The following RPA3 variants were observed in gnomAD, a reference collection of about 807,000 sequenced individuals.
RPA3 encodes replication protein A 14 kDa subunit.
Under a neutral mutation model 13.7 loss-of-function variants are expected in RPA3, and 24 were observed. That is an observed-to-expected ratio of 1.75 (90% CI 1.27 to 2.46). RPA3 has a LOEUF of 2.46. Ranked by LOEUF, RPA3 falls within the 30% of genes most tolerant of loss-of-function variation. RPA3 has a pLI of 0.00. For synonymous variants in RPA3, 59 were observed against 51.2 expected (o/e 1.15, Z -0.65); for missense variants, 183 against 151.0 (o/e 1.21, Z -1.11).
intron 2 of RPA3, chr7:7,689,308 T>A (rs1780116787): frequency 6.6e-6 from 1 of 152,170 alleles, no homozygotes; most frequent in Admixed American, 6.5e-5. Flanking sequence ...TGATGATGTT[T>A]TATCTATCAT....
chr7:7,673,328 CAG>C (rs1563107945), intron 4 of RPA3: 2 of 1,160,286 alleles, frequency 1.7e-6, no homozygotes, highest in Non-Finnish European at 2.5e-6. Flanking sequence ...GCAGCAGCAG[CAG>C]CAGCAGCAGC....
At chr7:7,651,079 A>AT (rs1357841273) in intron 4 of RPA3, among the ~76,000 whole-genome samples, 5 of 152,174 alleles carry the variant, frequency 3.3e-5, no homozygotes, top group South Asian at 2.1e-4. Flanking sequence ...ACCAGAGCAC[A>AT]TTTTTCTGGT....
At chr7:7,646,362 G>A (rs1305345807) in intron 4 of RPA3, among the ~76,000 whole-genome samples, 1 of 152,018 alleles carries the variant, frequency 6.6e-6, no homozygotes, top group Non-Finnish European at 1.5e-5. Context: ...TGTGTTGTGG[G>A]AGGGACCCGA....
chr7:7,640,297 C>T lies in RPA3; in HGVS notation c.99+23G>A, dbSNP rs759534714. The T allele has an allele frequency of 5.6e-6, 9 of 1,612,582 alleles. No individual in the cohort carries two copies. In the East Asian group the frequency reaches 8.9e-5, roughly 16 times the overall value. ...CTCCCTCCAGCTACGGACTTGGGAG[C>T]CCATGATTGCGAACCCGCACACCTT... On this transcript the variant is annotated intron_variant, in intron 5 of 7. Transcript: ENST00000223129.
chr7:7,662,526 C>A (rs1785501447), intron 4 of RPA3, among the ~76,000 whole-genome samples: 1 of 152,154 alleles, frequency 6.6e-6, no homozygotes, highest in African/African-American at 2.4e-5. Context: ...GTGCACTGTT[C>A]CTCACCGCAC....
At chr7:7,657,578 C>G (rs1785373191) in intron 4 of RPA3, among the ~76,000 whole-genome samples, 1 of 152,090 alleles carries the variant, frequency 6.6e-6, no homozygotes, top group African/African-American at 2.4e-5. Context: ...GAGTCCCTTC[C>G]CCATGCTTGT....
chr7:7,647,000 C>T (rs1785111964), intron 4 of RPA3, among the ~76,000 whole-genome samples: 1 of 152,154 alleles, frequency 6.6e-6, no homozygotes, highest in East Asian at 1.9e-4. Flanking sequence ...CCTTCTGCCG[C>T]TTGTCCGTAT....
At chr7:7,646,037 G>T (rs977348790) in intron 4 of RPA3, among the ~76,000 whole-genome samples, 1 of 152,156 alleles carries the variant, frequency 6.6e-6, no homozygotes, top group African/African-American at 2.4e-5. Context: ...GCAGGAGTTG[G>T]GGTGAGTGAT....
chr7:7,700,717 G>C (rs1291024785), intron 2 of RPA3, among the ~76,000 whole-genome samples: 1 of 152,110 alleles, frequency 6.6e-6, no homozygotes, highest in Non-Finnish European at 1.5e-5. Context: ...GCAAAACCCT[G>C]TCTCTACTAA....
intron 2 of RPA3, 56 bp from the exon 3 acceptor site, chr7:7,687,384 A>G (rs28912731): frequency 2.6e-5 from 4 of 152,200 alleles, no homozygotes; most frequent in East Asian, 1.9e-4. Context: ...GACCCTGGGC[A>G]GTTCAGTGAA....
intron 4 of RPA3, among the ~76,000 whole-genome samples, chr7:7,678,494 TATATTTATATATTTAATATAGATAA>T (rs1779808799): frequency 7.1e-6 from 1 of 140,894 alleles, no homozygotes; most frequent in Non-Finnish European, 1.5e-5. Flanking sequence ...ATAGATAATA[TATATTTATATATTTAATATAGATAA>T]ATATATTTAT....
chr7:7,681,838 A>G (rs1225730812), intron 4 of RPA3, among the ~76,000 whole-genome samples: 1 of 152,188 alleles, frequency 6.6e-6, no homozygotes, highest in Non-Finnish European at 1.5e-5. Context: ...TGGCAAGCTC[A>G]TAGTTATTTT....
chr7:7,675,221 G>C (rs574673759), intron 4 of RPA3, among the ~76,000 whole-genome samples: 1 of 152,218 alleles, frequency 6.6e-6, no homozygotes, highest in African/African-American at 2.4e-5. Context: ...TTATCAAATA[G>C]CCATTTAGAG....
intron 4 of RPA3, among the ~76,000 whole-genome samples, chr7:7,652,863 A>C (rs1785255029): frequency 6.6e-6 from 1 of 152,224 alleles, no homozygotes; most frequent in African/African-American, 2.4e-5. Flanking sequence ...TTGGCAGTTT[A>C]GGGAGTGATT....
intron 4 of RPA3, among the ~76,000 whole-genome samples, chr7:7,643,268 A>G (rs1369021171): frequency 1.3e-5 from 2 of 152,228 alleles, no homozygotes; most frequent in African/African-American, 2.4e-5. Flanking sequence ...ATGATCTTCC[A>G]GGTACACTCC....
intron 1 of RPA3, among the ~76,000 whole-genome samples, chr7:7,718,132 A>T (rs1299257554): frequency 6.6e-6 from 1 of 152,204 alleles, no homozygotes; most frequent in Non-Finnish European, 1.5e-5. Context: ...ATCAGATAAG[A>T]AAGTAAAACT....
At chr7:7,672,286 T>A (rs535031590) in intron 4 of RPA3, among the ~76,000 whole-genome samples, 89 of 152,320 alleles carry the variant, frequency 5.8e-4, no homozygotes, top group African/African-American at 2.0e-3. Flanking sequence ...TCCCCAGTTG[T>A]TTTCTAGAAA....
Position 7,664,565 on chromosome 7 carries a change from C to G in RPA3, c.-758+21265G>C, listed in dbSNP as rs1484003790. 2.0e-5 allele frequency among the ~76,000 whole-genome samples: 3 copies of G among 152,164 alleles called. No homozygotes were observed. In the East Asian group the frequency reaches 5.8e-4, roughly 29 times the overall value. Reference sequence around the variant, plus strand: ...TTCCTTCCTCTAGTGAGGTTAATCTCTTTGCTTTCCTCTATACCCACTATG... The same window carrying G: ...TTCCTTCCTCTAGTGAGGTTAATCTGTTTGCTTTCCTCTATACCCACTATG... On this transcript the variant is annotated intron_variant, in intron 4 of 7. Coordinates refer to ENST00000223129, the MANE Select transcript of RPA3 (RefSeq NM_002947.5).
intron 4 of RPA3, among the ~76,000 whole-genome samples, chr7:7,685,116 G>T (rs1005954069): frequency 6.6e-6 from 1 of 152,088 alleles, no homozygotes; most frequent in Non-Finnish European, 1.5e-5. Context: ...TAAGTAAAAT[G>T]TACAGTATGA....
Sources: allele counts gnomAD v4.1 joint callset (sites outside exome capture counted in the v4.1 genomes callset), GRCh38; gene constraint gnomAD v4.1.1; transcripts MANE v1.5; gene names NCBI Gene and HGNC (gene_info 2026-07-23, HGNC 2026-07-21).